CNTN5: variants seen among roughly 807,000 people sequenced by gnomAD.
CNTN5 encodes the protein contactin 5, also known as contactin-5.
Under a neutral mutation model 129.1 loss-of-function variants are expected in CNTN5, and 77 were observed. That is an observed-to-expected ratio of 0.60 (90% confidence interval 0.50 to 0.72). The LOEUF (loss-of-function observed/expected upper bound fraction) is 0.72. Among genes scored for constraint, CNTN5 ranks in the 30% least tolerant of loss-of-function variants. The pLI is 0.00. For missense variants in CNTN5, 1,478 were observed against 1,328.8 expected, an observed-to-expected ratio of 1.11 and a Z score of -1.75; for synonymous variants, 509 against 465.6, an observed-to-expected ratio of 1.09 and a Z score of -1.20.
chr11:99,332,090 A>G (rs1223800552), intron 2 of CNTN5, among the ~76,000 whole-genome samples: 1 of 152,140 alleles, frequency 6.6e-6, no homozygotes, highest in Non-Finnish European at 1.5e-5. Context: ...GTGATTTGTT[A>G]TATAGCAATA....
chr11:100,308,056 T>C (rs577570218), intron 20 of CNTN5, among the ~76,000 whole-genome samples: 14 of 151,878 alleles, frequency 9.2e-5, no homozygotes, highest in Admixed American at 2.6e-4. Flanking sequence ...TCCATTTTTA[T>C]AGGAATTATG....
Position 100,213,193 on chromosome 11 carries a change from ACAAT to A in CNTN5, c.1885-11495_1885-11492del, listed in dbSNP as rs574098009. On this transcript the variant is annotated intron_variant, in intron 15 of 24. Transcript: ENST00000524871. The stretch of plus-strand genomic sequence containing the variant: ...CCCTCCAAATTTCACATACAATGAA[ACAAT>A]CAAGCCCTATCAATATGAAATCTTG... 7.2e-3 allele frequency among the ~76,000 whole-genome samples: 1,090 copies of A among 152,256 alleles called. 7 individuals carry two copies. The highest frequency in any genetic ancestry group is 0.011 in the Non-Finnish European group (730 of 67,978).
At chr11:99,370,310 T>C (rs1474253698) in intron 2 of CNTN5, among the ~76,000 whole-genome samples, 2 of 152,206 alleles carry the variant, frequency 1.3e-5, no homozygotes, top group Non-Finnish European at 2.9e-5. Flanking sequence ...TTGAAAATCA[T>C]CTTTTGGATT....
At chr11:99,511,489 T>C (rs1365837498) in intron 2 of CNTN5, among the ~76,000 whole-genome samples, 2 of 151,874 alleles carry the variant, frequency 1.3e-5, no homozygotes, top group African/African-American at 4.8e-5. Flanking sequence ...GGAATAGGTG[T>C]GGTGTGGTGC....
At chr11:99,442,605 G>A (rs7104889) in intron 2 of CNTN5, among the ~76,000 whole-genome samples, 26,206 of 152,126 alleles carry the variant, frequency 0.17, 2,394 homozygotes, top group Middle Eastern at 0.29. Flanking sequence ...GACTCTATTC[G>A]TCTATGTATG....
intron 8 of CNTN5, among the ~76,000 whole-genome samples, chr11:99,996,793 C>T (rs182443569): frequency 6.6e-6 from 1 of 152,196 alleles, no homozygotes; most frequent in Non-Finnish European, 1.5e-5. Flanking sequence ...TACATGGCAG[C>T]AGGAGAGAGA....
At chr11:99,958,386 G>A (rs1001480986) in intron 8 of CNTN5, among the ~76,000 whole-genome samples, 1 of 152,164 alleles carries the variant, frequency 6.6e-6, no homozygotes, top group African/African-American at 2.4e-5. Flanking sequence ...TTGAATGGGC[G>A]ATGATTCTCC....
intron 8 of CNTN5, among the ~76,000 whole-genome samples, chr11:99,976,881 C>G (rs1217438575): frequency 6.6e-6 from 1 of 152,192 alleles, no homozygotes; most frequent in Admixed American, 6.5e-5. Flanking sequence ...AAGTTCTTCC[C>G]AGAAAATGGG....
chr11:99,942,981 G>C (rs997299936), intron 7 of CNTN5, among the ~76,000 whole-genome samples: 1 of 151,974 alleles, frequency 6.6e-6, no homozygotes, highest in African/African-American at 2.4e-5. Context: ...CCAAGTCTTT[G>C]CTATTGTAAA....
intron 9 of CNTN5, among the ~76,000 whole-genome samples, chr11:100,016,541 T>C (rs1364062855): frequency 6.6e-6 from 1 of 152,134 alleles, no homozygotes; most frequent in African/African-American, 2.4e-5. Flanking sequence ...AGGCATTTTC[T>C]ACTTTATATG....
chr11:99,332,661 T>C (rs1866048447), intron 2 of CNTN5, among the ~76,000 whole-genome samples: 1 of 152,014 alleles, frequency 6.6e-6, no homozygotes, highest in Non-Finnish European at 1.5e-5. Context: ...ATAAGGAGAA[T>C]TGGCAACCAC....
At chr11:100,002,003 T>C in intron 8 of CNTN5, 31 bp from the exon 9 acceptor site, 1 of 1,390,698 alleles carries the variant, frequency 7.2e-7, no homozygotes, top group Non-Finnish European at 9.9e-7. Flanking sequence ...AACATTCATT[T>C]GATGCTTAAA....
chr11:100,261,342 G>A (rs1320616107), intron 17 of CNTN5, among the ~76,000 whole-genome samples: 1 of 152,092 alleles, frequency 6.6e-6, no homozygotes, highest in Non-Finnish European at 1.5e-5. Context: ...TGGATAGGAA[G>A]AATCAATATC....
intron 9 of CNTN5, among the ~76,000 whole-genome samples, chr11:100,003,611 A>G (rs1210246757): frequency 1.3e-5 from 2 of 152,180 alleles, no homozygotes; most frequent in Non-Finnish European, 2.9e-5. Context: ...ATATTTCCCC[A>G]GGCAAGCTTA....
At chr11:99,153,815 CTTTT>C (rs60782977) in intron 1 of CNTN5, among the ~76,000 whole-genome samples, 85 of 103,332 alleles carry the variant, frequency 8.2e-4, no homozygotes, top group Middle Eastern at 7.5e-3. Flanking sequence ...CTTTGAATGG[CTTTT>C]TTTTTTTTTT....
chr11:99,932,728 G>A (rs933366015), intron 7 of CNTN5, among the ~76,000 whole-genome samples: 20 of 152,038 alleles, frequency 1.3e-4, no homozygotes, highest in African/African-American at 4.6e-4. Context: ...CCTGCTTCTT[G>A]GTAAATACTC....
intron 13 of CNTN5, among the ~76,000 whole-genome samples, chr11:100,114,101 T>C (rs9971387): frequency 0.8 from 121,061 of 152,052 alleles, 49,037 homozygotes; most frequent in East Asian, 1. Context: ...ATTCGAACTT[T>C]GGGCGTGCAT....
At chr11:99,652,652 T>G (rs2135886007) in intron 3 of CNTN5, among the ~76,000 whole-genome samples, 1 of 152,212 alleles carries the variant, frequency 6.6e-6, no homozygotes, top group African/African-American at 2.4e-5. Context: ...GATCAGAACT[T>G]ACACATAATT....
chr11:99,200,301 C>T (rs1591349326), intron 1 of CNTN5, among the ~76,000 whole-genome samples: 1 of 152,264 alleles, frequency 6.6e-6, no homozygotes, highest in East Asian at 1.9e-4. Flanking sequence ...TCCATTAATT[C>T]ATATAGCTCT....
Sources: gnomAD v4.1 joint callset for allele counts (sites outside exome capture counted in the v4.1 genomes callset) on GRCh38, gnomAD v4.1.1 for gene constraint, MANE v1.5 for transcripts, NCBI Gene and HGNC (gene_info 2026-07-23, HGNC 2026-07-21) for gene names.